Variants in SCN8A observed in about 807,000 individuals in gnomAD.
SCN8A encodes sodium channel protein type 8 subunit alpha.
In SCN8A, 30 loss-of-function variants were observed where a neutral mutation model predicts 184.1. The observed-to-expected ratio is 0.16, with a 90% CI of 0.12 to 0.22. SCN8A has a LOEUF of 0.22. Ranked by LOEUF, SCN8A falls within the 10% of genes least tolerant of loss-of-function variation. The pLI, the probability that SCN8A is intolerant of heterozygous loss-of-function variation, is 1.00. For synonymous variants in SCN8A, 852 were observed against 907.0 expected, an observed-to-expected ratio of 0.94 and a Z score of 1.09; for missense variants, 1,057 against 2,498.9, an observed-to-expected ratio of 0.42 and a Z score of 12.30.
chr12:51,701,806 G>A (rs537768920), intron 8 of SCN8A, among the ~76,000 whole-genome samples: 2 of 152,212 alleles, frequency 1.3e-5, no homozygotes, highest in African/African-American at 4.8e-5. Context: ...ATAAATGTAG[G>A]GTGGTAGTGT....
intron 1 of SCN8A, among the ~76,000 whole-genome samples, chr12:51,655,581 C>T (rs142822202): frequency 1.3e-5 from 2 of 152,088 alleles, no homozygotes; most frequent in Non-Finnish European, 2.9e-5. Context: ...CCTATGTTGC[C>T]CAGGCTGGTA....
At chr12:51,594,966 C>CA (rs1030111364) in intron 1 of SCN8A, among the ~76,000 whole-genome samples, 34 of 151,600 alleles carry the variant, frequency 2.2e-4, no homozygotes, top group African/African-American at 4.1e-4. Flanking sequence ...AGAAATGTTC[C>CA]AAAAAAAACT....
At chr12:51,725,480 T>C (rs1942142367) in intron 12 of SCN8A, among the ~76,000 whole-genome samples, 1 of 152,234 alleles carries the variant, frequency 6.6e-6, no homozygotes, top group Admixed American at 6.5e-5. Context: ...ATATATTGAG[T>C]TCTTATTATA....
At chr12:51,730,514 A>G (rs1344794567) in intron 12 of SCN8A, among the ~76,000 whole-genome samples, 3 of 152,154 alleles carry the variant, frequency 2.0e-5, no homozygotes, top group Non-Finnish European at 4.4e-5. Context: ...TCTAGAGATT[A>G]TTTTCCTATT....
intron 11 of SCN8A, chr12:51,712,483 T>C: frequency 1.3e-6 from 1 of 768,966 alleles, no homozygotes; most frequent in South Asian, 1.3e-5. Context: ...TGCTACTATA[T>C]CCACCACTTC....
chr12:51,641,891 C>CCA (rs752373921), intron 1 of SCN8A, among the ~76,000 whole-genome samples: 13 of 152,090 alleles, frequency 8.5e-5, no homozygotes, highest in Admixed American at 3.3e-4. Context: ...ACAACAGAAA[C>CCA]CACACACACA....
intron 2 of SCN8A, among the ~76,000 whole-genome samples, chr12:51,665,790 G>T (rs543229004): frequency 6.6e-6 from 1 of 152,296 alleles, no homozygotes; most frequent in South Asian, 2.1e-4. Context: ...TAGGCTGGGC[G>T]CAATGGTTCA....
At chr12:51,786,873 G>T in intron 22 of SCN8A, 47 bp downstream of exon 22, 3 of 1,551,578 alleles carry the variant, frequency 1.9e-6, no homozygotes, top group Non-Finnish European at 2.6e-6. Flanking sequence ...TGAAATTCAG[G>T]CAGCTAGCAC....
intron 26 of SCN8A, among the ~76,000 whole-genome samples, chr12:51,804,217 T>C (rs1938627969): frequency 6.6e-6 from 1 of 152,224 alleles, no homozygotes; most frequent in African/African-American, 2.4e-5. Context: ...CCTGGACGAA[T>C]ATAACTAGAA....
chr12:51,656,096 C>G (rs939457415), intron 1 of SCN8A, among the ~76,000 whole-genome samples: 1 of 152,058 alleles, frequency 6.6e-6, no homozygotes, highest in Non-Finnish European at 1.5e-5. Context: ...TCCTCAGAAA[C>G]AGAAGACATT....
chr12:51,658,591 T>C (rs766518301), intron 1 of SCN8A, among the ~76,000 whole-genome samples: 9 of 152,124 alleles, frequency 5.9e-5, no homozygotes, highest in Non-Finnish European at 1.0e-4. Flanking sequence ...TGAGTCCATT[T>C]ATATGAAACA....
chr12:51,677,138 C>T (rs1414202224), intron 2 of SCN8A, among the ~76,000 whole-genome samples: 4 of 149,376 alleles, frequency 2.7e-5, no homozygotes, highest in African/African-American at 7.5e-5. Flanking sequence ...CTCTGTTTCC[C>T]AGGCTGGAGA....
chr12:51,769,570 G>A (rs758228957), intron 17 of SCN8A, among the ~76,000 whole-genome samples: 12 of 152,164 alleles, frequency 7.9e-5, no homozygotes, highest in Admixed American at 1.3e-4. Context: ...GTCAGAGGCT[G>A]GGATAAGCCC....
At chr12:51,681,612 G>A (rs1299927395) in intron 2 of SCN8A, among the ~76,000 whole-genome samples, 2 of 152,108 alleles carry the variant, frequency 1.3e-5, no homozygotes, top group Non-Finnish European at 2.9e-5. Flanking sequence ...ACTTCTCTTT[G>A]CTTTTAGGAT....
chr12:51,641,822 A>G (rs960704540), intron 1 of SCN8A, among the ~76,000 whole-genome samples: 1 of 152,200 alleles, frequency 6.6e-6, no homozygotes, highest in African/African-American at 2.4e-5. Context: ...CTACGACCTC[A>G]TAAGCTACCC....
chr12:51,648,413 T>A (rs1403301226), intron 1 of SCN8A, among the ~76,000 whole-genome samples: 2 of 152,180 alleles, frequency 1.3e-5, no homozygotes, highest in African/African-American at 4.8e-5. Context: ...GTCCTGTTTC[T>A]TTTATTAAGC....
At chr12:51,603,252 A>C (rs1939507731) in intron 1 of SCN8A, among the ~76,000 whole-genome samples, 2 of 152,190 alleles carry the variant, frequency 1.3e-5, no homozygotes, top group Admixed American at 1.3e-4. Context: ...GAATGTCATA[A>C]AAGTAGAATC....
chr12:51,755,239 G>A (rs1275368756), intron 14 of SCN8A, among the ~76,000 whole-genome samples: 1 of 152,180 alleles, frequency 6.6e-6, no homozygotes, highest in African/African-American at 2.4e-5. Context: ...TAAATTTCCT[G>A]TTCATTCAGA....
chr12:51,747,877 G>T (rs972332070), intron 13 of SCN8A, among the ~76,000 whole-genome samples: 1 of 147,328 alleles, frequency 6.8e-6, no homozygotes, highest in Non-Finnish European at 1.5e-5. Context: ...AAAAAAAATA[G>T]ATGTAAGGGT....
Sources: allele counts gnomAD v4.1 joint callset (sites outside exome capture counted in the v4.1 genomes callset), GRCh38; gene constraint gnomAD v4.1.1; transcripts MANE v1.5; gene names NCBI Gene and HGNC (gene_info 2026-07-23, HGNC 2026-07-21).